The following KHDC1 variants were observed in gnomAD, a reference collection of about 807,000 sequenced individuals.
KHDC1 encodes the protein KH domain containing 1, also known as KH homology domain-containing protein 1.
KHDC1 carries 21 observed loss-of-function variants against 24.7 expected under a neutral mutation model. The ratio of observed to expected loss-of-function variants is 0.85; its 90% CI spans 0.60 to 1.23. The LOEUF (loss-of-function observed/expected upper bound fraction) is 1.23, where lower values mean the gene tolerates loss of function less well. Ranked by LOEUF, KHDC1 falls within the 50% of genes most tolerant of loss-of-function variation. The pLI is 0.00. For synonymous variants in KHDC1, 98 were observed against 111.7 expected (o/e 0.88, Z 0.77); for missense variants, 274 against 298.5 (o/e 0.92, Z 0.61).
At chr6:73,298,180 A>G (rs557103204) in intron 1 of KHDC1, among the ~76,000 whole-genome samples, 1 of 152,182 alleles carries the variant, frequency 6.6e-6, no homozygotes, top group South Asian at 2.1e-4. Flanking sequence ...GTAGAGGTCA[A>G]GGCAATCATT....
intron 2 of KHDC1, among the ~76,000 whole-genome samples, chr6:73,288,423 C>T (rs1426332302): frequency 1.3e-5 from 2 of 152,166 alleles, no homozygotes; most frequent in African/African-American, 2.4e-5. Context: ...GAGTTCAAGA[C>T]CAGCCTGGGC....
intron 2 of KHDC1, among the ~76,000 whole-genome samples, chr6:73,250,046 T>C (rs906447749): frequency 3.9e-5 from 6 of 152,228 alleles, no homozygotes; most frequent in South Asian, 2.1e-4. Flanking sequence ...TATGAGAAAT[T>C]GACAGCTTCA....
chr6:73,242,294 G>C, intron 3 of KHDC1, 57 bp from the exon 3 acceptor site: 1 of 1,603,646 alleles, frequency 6.2e-7, no homozygotes, highest in Non-Finnish European at 8.5e-7. Context: ...TAGGGAATGG[G>C]GAGGTGGCCT....
intron 2 of KHDC1, among the ~76,000 whole-genome samples, chr6:73,280,621 A>G (rs929860252): frequency 6.7e-6 from 1 of 150,118 alleles, no homozygotes; most frequent in Non-Finnish European, 1.5e-5. Context: ...CCCAGGTTCA[A>G]GTGATTCTCC....
At chr6:73,289,937 A>C (rs1178695624) in intron 2 of KHDC1, among the ~76,000 whole-genome samples, 29 of 150,356 alleles carry the variant, frequency 1.9e-4, no homozygotes, top group African/African-American at 6.7e-4. Flanking sequence ...CGTCTCTACT[A>C]AAAATACAAC....
chr6:73,247,228 C>T (rs1283045525), intron 2 of KHDC1, among the ~76,000 whole-genome samples: 1 of 151,998 alleles, frequency 6.6e-6, no homozygotes, highest in African/African-American at 2.4e-5. Flanking sequence ...TCACCCACCT[C>T]AGCCTCCCAA....
At chr6:73,270,985 C>T (rs556870424) in intron 2 of KHDC1, among the ~76,000 whole-genome samples, 154 of 151,832 alleles carry the variant, frequency 1.0e-3, no homozygotes, top group Non-Finnish European at 1.6e-3. Flanking sequence ...CCACCGCGCC[C>T]GGCCTGTTGC....
intron 2 of KHDC1, among the ~76,000 whole-genome samples, chr6:73,271,107 C>G (rs1242112701): frequency 6.6e-6 from 1 of 152,090 alleles, no homozygotes; most frequent in African/African-American, 2.4e-5. Flanking sequence ...TTAGCTTAGT[C>G]GGTCACAATC....
At position 73,302,805 on chromosome 6, in the gene KHDC1, G is replaced by C. The variant is rs369343355; in HGVS notation, c.163+6747C>G. Among the ~76,000 whole-genome samples, 3 of 152,262 alleles carry C rather than the reference G, an allele frequency of 2.0e-5. No individual in the cohort carries two copies. The South Asian group carries it at 6.2e-4, about 32-fold the overall frequency. On this transcript the variant is annotated intron_variant, in intron 1 of 4. Transcript: ENST00000370384. The stretch of plus-strand genomic sequence containing the variant: ...AAAAGATGGAAATCTGGCCGGGCGC[G>C]GTGGCTCATGCCTGTAATCCCAGCA...
Position 73,254,235 on chromosome 6 carries a change from G to A in KHDC1, c.207-11705C>T, listed in dbSNP as rs561530009. ...AGCCCTTTGGGAGGCCGAGGCGGGT[G>A]GGATCACTTGATGTCAGGAGTTTAA... On this transcript the variant is annotated intron_variant, in intron 2 of 4. Coordinates refer to ENST00000370384, the Ensembl canonical transcript of KHDC1. Among the ~76,000 whole-genome samples, 17 of 151,946 alleles carry A rather than the reference G, an allele frequency of 1.1e-4. No individual in the cohort carries two copies. The South Asian group carries it at 2.9e-3, about 26-fold the overall frequency.
chr6:73,255,790 T>C (rs1041858213), intron 2 of KHDC1, among the ~76,000 whole-genome samples: 3 of 150,798 alleles, frequency 2.0e-5, no homozygotes, highest in African/African-American at 7.3e-5. Flanking sequence ...TCATCCCAGC[T>C]ACTCACGAGG....
intron 1 of KHDC1, among the ~76,000 whole-genome samples, chr6:73,297,909 C>T (rs1225014613): frequency 3.3e-5 from 5 of 152,072 alleles, no homozygotes; most frequent in South Asian, 2.1e-4. Flanking sequence ...TTCTGGCCTA[C>T]GGTGTCCTAG....
At chr6:73,288,268 G>A (rs776619886) in intron 2 of KHDC1, among the ~76,000 whole-genome samples, 1 of 152,192 alleles carries the variant, frequency 6.6e-6, no homozygotes. Flanking sequence ...TATGAGATAT[G>A]CAGCCACTGA....
chr6:73,261,396 TC>T (rs1372202023), intron 2 of KHDC1, among the ~76,000 whole-genome samples: 7 of 151,884 alleles, frequency 4.6e-5, no homozygotes, highest in Non-Finnish European at 1.0e-4. Flanking sequence ...TGAGCTAAGA[TC>T]ACGCCACTGC....
chr6:73,292,918 G>A (rs1020995432), intron 1 of KHDC1: 1 of 819,086 alleles, frequency 1.2e-6, no homozygotes, highest in African/African-American at 1.7e-5. Context: ...ACTTCTTGGT[G>A]GCTTGTCTTA....
At chr6:73,241,755 G>C (rs756183275) in intron 4 of KHDC1, 27 bp from the exon 4 acceptor site, 1 of 1,611,670 alleles carries the variant, frequency 6.2e-7, no homozygotes, top group East Asian at 2.2e-5. Context: ...CAGGGCTAAT[G>C]AACCAGGGCC....
chr6:73,251,438 A>G (rs1766775056), intron 2 of KHDC1, among the ~76,000 whole-genome samples: 1 of 152,200 alleles, frequency 6.6e-6, no homozygotes, highest in African/African-American at 2.4e-5. Flanking sequence ...AGGACACTAG[A>G]CTTAATGTTG....
chr6:73,291,355 G>C lies in KHDC1; in HGVS notation c.206+643C>G, dbSNP rs1767647457. 26 of 203,908 alleles carry C rather than the reference G, an allele frequency of 1.3e-4. 1 individual carries two copies. In the South Asian group the frequency reaches 2.2e-3, roughly 17 times the overall value. 12.6% of individuals were successfully genotyped at this position (203,908 alleles called of 1,614,324 possible). The stretch of plus-strand genomic sequence containing the variant: ...TTCCAAGAAAACACGAACAGCTGAA[G>C]TGGCAATGTTTAAGTAACATCTGGT... On this transcript the variant is annotated intron_variant, in intron 2 of 4. Transcript: ENST00000370384.
chr6:73,251,451 T>A (rs1396753481), intron 2 of KHDC1, among the ~76,000 whole-genome samples: 1 of 152,164 alleles, frequency 6.6e-6, no homozygotes, highest in African/African-American at 2.4e-5. Context: ...TAATGTTGAA[T>A]CAGGGAACCT....
Sources: allele counts gnomAD v4.1 joint callset (sites outside exome capture counted in the v4.1 genomes callset), GRCh38; gene constraint gnomAD v4.1.1; transcripts MANE v1.5; gene names NCBI Gene and HGNC (gene_info 2026-07-23, HGNC 2026-07-21).